ATP7B: variants seen among roughly 807,000 people sequenced by gnomAD.
ATP7B encodes copper-transporting ATPase 2.
A neutral mutation model predicts 118.9 loss-of-function variants in ATP7B; 113 were observed. The observed-to-expected ratio is 0.95, with a 90% confidence interval of 0.82 to 1.11. The LOEUF (loss-of-function observed/expected upper bound fraction) is 1.11. ATP7B is among the 50% of genes most tolerant of loss of function. The pLI, the probability that ATP7B is intolerant of heterozygous loss-of-function variation, is 0.00. For synonymous variants in ATP7B, 777 were observed against 727.4 expected (o/e 1.07, Z -1.10); for missense variants, 1,867 against 1,871.4 (o/e 1.00, Z 0.04).
At chr13:52,004,947 G>C (rs944150580) in intron 1 of ATP7B, among the ~76,000 whole-genome samples, 1 of 152,184 alleles carries the variant, frequency 6.6e-6, no homozygotes. Flanking sequence ...AAGGTTTATA[G>C]CCTGCACCTT....
At chr13:51,940,452 G>A (rs990766844) in intron 16 of ATP7B, among the ~76,000 whole-genome samples, 10 of 150,710 alleles carry the variant, frequency 6.6e-5, no homozygotes, top group Non-Finnish European at 1.3e-4. Flanking sequence ...TCAGGAGTTC[G>A]AGACCAGCCT....
intron 3 of ATP7B, among the ~76,000 whole-genome samples, chr13:51,969,514 CT>C (rs1240892307): frequency 2.0e-5 from 3 of 151,224 alleles, no homozygotes; most frequent in African/African-American, 7.3e-5. Context: ...TTTCCTTACT[CT>C]TTTATAGTTT....
intron 5 of ATP7B, among the ~76,000 whole-genome samples, chr13:51,963,091 T>G (rs1272914707): frequency 2.0e-5 from 3 of 147,148 alleles, no homozygotes; most frequent in African/African-American, 7.6e-5. Flanking sequence ...AAACACCAAC[T>G]CAAAAAAAAA....
intron 5 of ATP7B, among the ~76,000 whole-genome samples, chr13:51,963,940 T>C (rs1452595521): frequency 6.6e-6 from 1 of 150,730 alleles, no homozygotes; most frequent in Admixed American, 6.6e-5. Context: ...TAGTCCCAGC[T>C]ACTGGGGAGA....
chr13:51,975,640 C>T, intron 1 of ATP7B: 1 of 472,616 alleles, frequency 2.1e-6, no homozygotes, highest in Non-Finnish European at 4.3e-6. Context: ...CCAGAATAGT[C>T]AACACCTTAC....
intron 1 of ATP7B, among the ~76,000 whole-genome samples, chr13:51,990,305 T>G (rs1014433049): frequency 2.0e-5 from 3 of 152,170 alleles, no homozygotes; most frequent in Non-Finnish European, 4.4e-5. Context: ...GATATACAAT[T>G]ACATATTAAT....
At chr13:51,954,729 G>T (rs1364653171) in intron 9 of ATP7B, among the ~76,000 whole-genome samples, 2 of 152,182 alleles carry the variant, frequency 1.3e-5, no homozygotes, top group Non-Finnish European at 2.9e-5. Context: ...GGGAAAAAGT[G>T]GGGGAAGGTG....
At chr13:51,965,148 C>G in intron 4 of ATP7B, 115 bp from the exon 5 acceptor site, 2 of 1,307,170 alleles carry the variant, frequency 1.5e-6, no homozygotes, top group Non-Finnish European at 2.2e-6. Context: ...CTCAGCACTG[C>G]TCTCAAGACC....
At chr13:51,944,433 G>T in intron 13 of ATP7B, 142 bp from the exon 14 acceptor site, 2 of 1,089,332 alleles carry the variant, frequency 1.8e-6, no homozygotes, top group Non-Finnish European at 2.7e-6. Flanking sequence ...ATCCTCTGTC[G>T]TTCAATCTCA....
At position 51,939,077 on chromosome 13, in the gene ATP7B, T is replaced by A; in HGVS notation, c.3673A>T (p.Lys1225Ter). 1 of 1,614,244 alleles carries A rather than the reference T, an allele frequency of 6.2e-7. No individual in the cohort carries two copies. Among genetic ancestry groups the A allele is most frequent in the Admixed American group, 1.7e-5 (1 of 60,030 alleles). Residue 1225 changes from lysine (K) to a stop codon, truncating the protein, a stop_gained, in exon 17 of 21, where the codon AAG becomes TAG. Coordinates refer to ENST00000242839, the MANE Select transcript of ATP7B (RefSeq NM_000053.4). LOFTEE classifies it high-confidence loss of function. ...TGGGTGGCAATAGCTCTGGCTGTCTTCCGGTTGTCCCCCGTGATCAGAACC... is the reference window on the plus strand; with the variant it reads ...TGGGTGGCAATAGCTCTGGCTGTCTACCGGTTGTCCCCCGTGATCAGAACC... ...DVVLITGDNR[K>*]TARAIATQVG...
rs2282059 is a variant in ATP7B, at chr13:51,935,854, C to T, written c.4022-159G>A. Among the ~76,000 whole-genome samples the T allele has an allele frequency of 1.1e-3, 172 of 152,220 alleles. 1 individual carries two copies. Among genetic ancestry groups the T allele is most frequent in the African/African-American group, 3.7e-3 (152 of 41,502 alleles). ...AATGGATCTTGCCCACAGGCCCCCCCCAAAGTGAGGCTTCCTAGAAAGCTG... is the reference window on the plus strand; with the variant it reads ...AATGGATCTTGCCCACAGGCCCCCCTCAAAGTGAGGCTTCCTAGAAAGCTG... On this transcript the variant is annotated intron_variant, in intron 19 of 20. Coordinates refer to ENST00000242839, the MANE Select transcript of ATP7B (RefSeq NM_000053.4).
intron 14 of ATP7B, among the ~76,000 whole-genome samples, chr13:51,943,215 A>C (rs1292828178): frequency 1.3e-5 from 2 of 152,110 alleles, no homozygotes. Context: ...CTTTATGACA[A>C]CCTAGAACTG....
rs2139062378 is a variant in ATP7B, at chr13:51,946,451, CT to C, written c.2892del (p.Glu965ArgfsTer2). On this transcript the variant is annotated frameshift_variant, in exon 13 of 21. Transcript: ENST00000242839. LOFTEE classifies it high-confidence loss of function. The part of the protein sequence containing the change: ...FPNPNKHISQ[T>X]EVIIRFAFQT... ...TGGAAAGCAAACCGGATGATCACCT[CT>C]GTCTGGGAGATGTGCTTGTTGGGGT... 6 of 1,614,236 alleles carry C rather than the reference CT, an allele frequency of 3.7e-6. No homozygotes were observed. The highest frequency in any genetic ancestry group is 5.1e-6 in the Non-Finnish European group (6 of 1,180,040).
At chr13:51,980,950 C>A (rs1009113995) in intron 1 of ATP7B, among the ~76,000 whole-genome samples, 2 of 152,066 alleles carry the variant, frequency 1.3e-5, no homozygotes, top group Non-Finnish European at 2.9e-5. Flanking sequence ...CAAAAAAGTC[C>A]GGATTCTTTC....
chr13:51,971,728 T>G (rs1951852112), intron 2 of ATP7B, among the ~76,000 whole-genome samples: 1 of 152,240 alleles, frequency 6.6e-6, no homozygotes, highest in South Asian at 2.1e-4. Flanking sequence ...GCCAGGCCAC[T>G]CCACATGAAT....
chr13:51,966,403 G>A (rs749897656), intron 4 of ATP7B, among the ~76,000 whole-genome samples: 1 of 152,156 alleles, frequency 6.6e-6, no homozygotes, highest in Non-Finnish European at 1.5e-5. Context: ...GCAGCGACAG[G>A]GCCAAAACTC....
intron 1 of ATP7B, among the ~76,000 whole-genome samples, chr13:51,975,984 A>G (rs1952098569): frequency 6.6e-6 from 1 of 152,254 alleles, no homozygotes; most frequent in Non-Finnish European, 1.5e-5. Flanking sequence ...AATTTCAGGT[A>G]CATCACTTAA....
chr13:51,996,044 C>T (rs1358690836), intron 1 of ATP7B, among the ~76,000 whole-genome samples: 1 of 152,204 alleles, frequency 6.6e-6, no homozygotes, highest in African/African-American at 2.4e-5. Flanking sequence ...CTTGGAATTG[C>T]TTCAGCTGCC....
intron 12 of ATP7B, chr13:51,946,710 A>C: frequency 1.7e-6 from 1 of 598,550 alleles, no homozygotes; most frequent in Non-Finnish European, 3.0e-6. Context: ...GCATTACAGG[A>C]GCAGAGTCAA....
Sources: gnomAD v4.1 joint callset for allele counts (sites outside exome capture counted in the v4.1 genomes callset) on GRCh38, gnomAD v4.1.1 for gene constraint, MANE v1.5 for transcripts, NCBI Gene and HGNC (gene_info 2026-07-23, HGNC 2026-07-21) for gene names.